SYNRG: variants seen among roughly 807,000 people sequenced by gnomAD.
SYNRG encodes synergin gamma, also known as AP1 gamma subunit binding protein 1.
Under a neutral mutation model 130.9 loss-of-function variants are expected in SYNRG, and 37 were observed. That is an observed-to-expected ratio of 0.28 (90% confidence interval 0.22 to 0.37). The LOEUF is 0.37. SYNRG is among the 10% of genes least tolerant of loss of function. SYNRG has a pLI of 1.00. For missense variants in SYNRG, 1,338 were observed against 1,588.9 expected, an observed-to-expected ratio of 0.84 and a Z score of 2.68; for synonymous variants, 539 against 568.1, an observed-to-expected ratio of 0.95 and a Z score of 0.73.
chr17:37,564,808 A>G (rs1393317062), intron 11 of SYNRG, among the ~76,000 whole-genome samples: 1 of 152,270 alleles, frequency 6.6e-6, no homozygotes, highest in Non-Finnish European at 1.5e-5. Flanking sequence ...TTATCAGATA[A>G]TTTAAATACC....
chr17:37,522,322 C>T (rs913763941), intron 19 of SYNRG, among the ~76,000 whole-genome samples: 4 of 151,964 alleles, frequency 2.6e-5, no homozygotes, highest in African/African-American at 9.7e-5. Context: ...GCCACCACGC[C>T]CAGCTAATTT....
intron 20 of SYNRG, 130 bp downstream of exon 20, chr17:37,520,408 A>G: frequency 9.1e-7 from 1 of 1,104,044 alleles, no homozygotes; most frequent in East Asian, 2.5e-5. Context: ...TGCTCCTACC[A>G]TCAGCTTTTA....
chr17:37,539,277 C>T (rs752318413), intron 16 of SYNRG, 32 bp from the exon 17 acceptor site: 3 of 1,609,226 alleles, frequency 1.9e-6, no homozygotes, highest in African/African-American at 1.3e-5. Context: ...CTGGGTTAAA[C>T]ACACAAACCT....
chr17:37,579,828 A>G (rs2061147141), intron 6 of SYNRG, among the ~76,000 whole-genome samples: 1 of 152,122 alleles, frequency 6.6e-6, no homozygotes, highest in South Asian at 2.1e-4. Context: ...CTTCAGCCTC[A>G]GCCTCCTGAG....
intron 16 of SYNRG, among the ~76,000 whole-genome samples, chr17:37,540,166 T>C (rs1339069101): frequency 1.3e-5 from 2 of 152,214 alleles, no homozygotes; most frequent in Non-Finnish European, 2.9e-5. Flanking sequence ...GGTTTTAGGG[T>C]CACTGATTAG....
At chr17:37,548,362 A>G (rs1468381997) in intron 14 of SYNRG, among the ~76,000 whole-genome samples, 1 of 152,236 alleles carries the variant, frequency 6.6e-6, no homozygotes, top group Non-Finnish European at 1.5e-5. Context: ...ACCAAGTATT[A>G]TTCAACTTTT....
At chr17:37,607,645 T>C (rs1470300067) in intron 1 of SYNRG, among the ~76,000 whole-genome samples, 1 of 151,792 alleles carries the variant, frequency 6.6e-6, no homozygotes, top group East Asian at 1.9e-4. Flanking sequence ...AGAAATTAGC[T>C]GGGCGTGGTG....
At chr17:37,591,406 CAG>C (rs1292339388) in intron 3 of SYNRG, among the ~76,000 whole-genome samples, 4 of 152,164 alleles carry the variant, frequency 2.6e-5, no homozygotes, top group African/African-American at 9.7e-5. Flanking sequence ...TAAATTCATA[CAG>C]AGGTTTAACA....
At chr17:37,604,266 T>C (rs994244104) in intron 1 of SYNRG, among the ~76,000 whole-genome samples, 1 of 151,972 alleles carries the variant, frequency 6.6e-6, no homozygotes, top group Admixed American at 6.6e-5. Flanking sequence ...AGAAAATCTA[T>C]TGTTTAGCGT....
chr17:37,579,973 G>T (rs1040327828), intron 6 of SYNRG, among the ~76,000 whole-genome samples: 2 of 151,684 alleles, frequency 1.3e-5, no homozygotes, highest in African/African-American at 2.4e-5. Context: ...TCTTTTATTA[G>T]ATTAATAATT....
intron 2 of SYNRG, among the ~76,000 whole-genome samples, chr17:37,599,598 G>C (rs1006419694): frequency 1.8e-4 from 27 of 152,190 alleles, no homozygotes; most frequent in African/African-American, 4.8e-4. Flanking sequence ...GTATGCACCT[G>C]TGGTCCCAGC....
rs1222505069 is a variant in SYNRG, at chr17:37,568,854, G to A, written c.1418C>T (p.Ser473Leu). The change falls in exon 11 of 22, where the codon TCA becomes TTA. Residue 473 changes from serine to leucine, a missense_variant. Transcript: ENST00000612223. ...AGGCAACTCTTGGAAATCACTGAAT[G>A]AGTCATCAAGGGATCCTGACTTAGA... ...DASKSGSLDD[S>L]FSDFQELPAS... The A allele has an allele frequency of 1.9e-6, 3 of 1,614,094 alleles. No individual in the cohort carries two copies. The Admixed American group carries it at 5.0e-5, about 27-fold the overall frequency.
intron 3 of SYNRG, among the ~76,000 whole-genome samples, chr17:37,589,314 G>T (rs1359111506): frequency 6.6e-6 from 1 of 152,168 alleles, no homozygotes; most frequent in Non-Finnish European, 1.5e-5. Context: ...TTTCAGGCTA[G>T]ATAATTAAGG....
chr17:37,592,053 T>C (rs2062239364), intron 3 of SYNRG, among the ~76,000 whole-genome samples: 1 of 152,082 alleles, frequency 6.6e-6, no homozygotes, highest in South Asian at 2.1e-4. Flanking sequence ...ACCACATATC[T>C]GACAAAGGAC....
At chr17:37,544,783 T>C (rs2058120282) in intron 14 of SYNRG, among the ~76,000 whole-genome samples, 1 of 152,192 alleles carries the variant, frequency 6.6e-6, no homozygotes. Context: ...ATGATGCAGT[T>C]AAATACAGGA....
rs140700707 is a variant in SYNRG, at chr17:37,558,208, C to T, written c.1663+2987G>A. 7.0e-3 allele frequency among the ~76,000 whole-genome samples: 1,058 copies of T among 152,230 alleles called. 11 individuals carry two copies. Among genetic ancestry groups the T allele is most frequent in the Middle Eastern group, 0.017 (5 of 294 alleles). On this transcript the variant is annotated intron_variant, in intron 13 of 21. Coordinates refer to ENST00000612223, the MANE Select transcript of SYNRG (RefSeq NM_007247.6). ...TCTAGAACCTAACAGTTATATGGGG[C>T]TGAATATTCTTATAAGAGGTGGGCT...
intron 14 of SYNRG, among the ~76,000 whole-genome samples, chr17:37,543,083 T>C (rs1001764106): frequency 1.3e-5 from 2 of 152,246 alleles, no homozygotes; most frequent in Admixed American, 6.5e-5. Flanking sequence ...AGGGTTTCTG[T>C]CATAATATTA....
rs115668065 is a variant in SYNRG, at chr17:37,528,527, C to T, written c.3666+7452G>A. Reference sequence around the variant, plus strand: ...AGGGCCTCACTGTGGCAATATAGTTCATTTAGGAAGTCATTTACCTGAAAT... The same window carrying T: ...AGGGCCTCACTGTGGCAATATAGTTTATTTAGGAAGTCATTTACCTGAAAT... On this transcript the variant is annotated intron_variant, in intron 19 of 21. Transcript: ENST00000612223. Among the ~76,000 whole-genome samples, 624 of 152,242 alleles carry T rather than the reference C, an allele frequency of 4.1e-3. 5 individuals carry two copies. The highest frequency in any genetic ancestry group is 0.012 in the African/African-American group (515 of 41,522).
At chr17:37,588,954 T>C (rs1393286314) in intron 3 of SYNRG, among the ~76,000 whole-genome samples, 1 of 152,186 alleles carries the variant, frequency 6.6e-6, no homozygotes, top group African/African-American at 2.4e-5. Context: ...CCCCTACACC[T>C]GGAAAGGAGG....
Sources: gnomAD v4.1 joint callset for allele counts (sites outside exome capture counted in the v4.1 genomes callset) on GRCh38, gnomAD v4.1.1 for gene constraint, MANE v1.5 for transcripts, NCBI Gene and HGNC (gene_info 2026-07-23, HGNC 2026-07-21) for gene names.